GPHN: variants seen among roughly 807,000 people sequenced by gnomAD.
GPHN encodes gephyrin.
In GPHN, 17 loss-of-function variants were observed where a neutral mutation model predicts 95.5. The ratio of observed to expected loss-of-function variants is 0.18; its 90% CI spans 0.12 to 0.27. The LOEUF (loss-of-function observed/expected upper bound fraction) is 0.27. Ranked by LOEUF, GPHN falls within the 10% of genes least tolerant of loss-of-function variation. The pLI is 1.00. For missense variants in GPHN, 660 were observed against 978.1 expected (o/e 0.67, Z 4.34); for synonymous variants, 320 against 322.5 (o/e 0.99, Z 0.08).
chr14:67,089,767 A>G (rs558374950), intron 12 of GPHN, among the ~76,000 whole-genome samples: 1 of 152,280 alleles, frequency 6.6e-6, no homozygotes, highest in East Asian at 1.9e-4. Context: ...ATCATATTTC[A>G]AAATTCTGGC....
chr14:67,544,197 G>A, the GPHN span, among the ~76,000 whole-genome samples: 1 of 152,174 alleles, frequency 6.6e-6, no homozygotes, highest in African/African-American at 2.4e-5. Flanking sequence ...ATCATTCACT[G>A]GCACAGGAGA....
At chr14:67,203,236 A>C in the GPHN span, 1 of 1,612,388 alleles carries the variant, frequency 6.2e-7, no homozygotes, top group Non-Finnish European at 8.5e-7. Flanking sequence ...AAAGATACAG[A>C]AACCCTGTTT....
intron 1 of GPHN, among the ~76,000 whole-genome samples, chr14:66,668,932 G>A (rs1218566392): frequency 6.7e-6 from 1 of 150,000 alleles, no homozygotes; most frequent in Non-Finnish European, 1.5e-5. Flanking sequence ...CCAGGCTGGA[G>A]TACAATGGCG....
intron 2 of GPHN, among the ~76,000 whole-genome samples, chr14:66,742,886 C>T (rs1338120384): frequency 1.3e-5 from 2 of 152,136 alleles, no homozygotes; most frequent in South Asian, 2.1e-4. Flanking sequence ...CTCAGCCTCC[C>T]GAGTAGTTGG....
chr14:66,816,328 A>C (rs977776355), intron 3 of GPHN, among the ~76,000 whole-genome samples: 1 of 152,194 alleles, frequency 6.6e-6, no homozygotes. Flanking sequence ...AGAACTCTCC[A>C]CGTAAAAACA....
chr14:66,844,086 A>C (rs1410063726), intron 4 of GPHN, among the ~76,000 whole-genome samples: 2 of 152,040 alleles, frequency 1.3e-5, no homozygotes, highest in Middle Eastern at 3.2e-3. Flanking sequence ...TTATCTTATA[A>C]TTCTTTGTAG....
the GPHN span, among the ~76,000 whole-genome samples, chr14:67,217,413 T>C: frequency 6.6e-6 from 1 of 152,188 alleles, no homozygotes; most frequent in South Asian, 2.1e-4. Flanking sequence ...ACATTTAAGG[T>C]TATTAGTGAT....
the GPHN span, among the ~76,000 whole-genome samples, chr14:67,552,108 G>T: frequency 6.6e-6 from 1 of 152,176 alleles, no homozygotes. Flanking sequence ...ACTTCATCAG[G>T]TTGCTGCAGC....
rs568988798 is a variant in GPHN at position 66,510,657 on chromosome 14, G to A, written c.64+2066G>A. The stretch of plus-strand genomic sequence containing the variant: ...GAGAGAATGTGACTACCTGAAGGGA[G>A]AATTTAATACATTTACTAGGTCAAG... On this transcript the variant is annotated intron_variant, in intron 1 of 22. Coordinates refer to ENST00000478722, the MANE Select transcript of GPHN (RefSeq NM_020806.5). Among the ~76,000 whole-genome samples, 11 of 152,320 alleles carry A rather than the reference G, an allele frequency of 7.2e-5. 1 individual carries two copies. Among genetic ancestry groups the A allele is most frequent in the African/African-American group, 2.6e-4 (11 of 41,580 alleles).
At chr14:67,201,401 A>G in the GPHN span, 12 of 455,822 alleles carry the variant, frequency 2.6e-5, no homozygotes, top group East Asian at 6.3e-4. Flanking sequence ...GAAGACCCCA[A>G]TTCTCTCTTT....
chr14:67,327,261 C>A, the GPHN span, among the ~76,000 whole-genome samples: 1 of 152,130 alleles, frequency 6.6e-6, no homozygotes, highest in Non-Finnish European at 1.5e-5. Context: ...GTTTTCATTT[C>A]TCTTGGATAA....
intron 21 of GPHN, among the ~76,000 whole-genome samples, chr14:67,174,716 A>G (rs529045993): frequency 1.1e-3 from 170 of 152,174 alleles, no homozygotes; most frequent in African/African-American, 3.9e-3. Context: ...AAGTGTTCCT[A>G]TTTCTCCACA....
intron 16 of GPHN, among the ~76,000 whole-genome samples, chr14:67,118,848 C>T (rs2078850787): frequency 6.6e-6 from 1 of 152,066 alleles, no homozygotes. Flanking sequence ...TATTTTTCTT[C>T]TCAAGTGCCT....
chr14:67,231,036 A>G, the GPHN span, among the ~76,000 whole-genome samples: 35 of 152,268 alleles, frequency 2.3e-4, no homozygotes, highest in African/African-American at 7.2e-4. Flanking sequence ...ATTGAAAAAC[A>G]CAGTGTATAC....
chr14:67,175,820 A>G (rs908296567), intron 21 of GPHN, among the ~76,000 whole-genome samples: 2 of 151,982 alleles, frequency 1.3e-5, no homozygotes, highest in African/African-American at 4.8e-5. Context: ...ATTCCTAGGT[A>G]TTTTATTCTA....
the GPHN span, among the ~76,000 whole-genome samples, chr14:67,307,151 TG>T: frequency 1.3e-5 from 2 of 152,314 alleles, no homozygotes; most frequent in Non-Finnish European, 2.9e-5. Flanking sequence ...GCAAGAGTCT[TG>T]GCACCTCTGT....
At chr14:66,887,097 T>C (rs1372323911) in intron 5 of GPHN, among the ~76,000 whole-genome samples, 3 of 152,090 alleles carry the variant, frequency 2.0e-5, no homozygotes, top group Non-Finnish European at 4.4e-5. Context: ...TACACCAGGG[T>C]ACTCTGTTCT....
the GPHN span, among the ~76,000 whole-genome samples, chr14:67,655,307 AC>A: frequency 2.0e-5 from 3 of 152,180 alleles, no homozygotes; most frequent in Admixed American, 6.6e-5. Context: ...AGCCTGGGTG[AC>A]AGAGCAAGAC....
At chr14:67,176,401 C>T (rs1413243610) in intron 21 of GPHN, among the ~76,000 whole-genome samples, 1 of 152,172 alleles carries the variant, frequency 6.6e-6, no homozygotes, top group Non-Finnish European at 1.5e-5. Flanking sequence ...ATATGTTGAA[C>T]CAGCCTTGCA....
Sources: gnomAD v4.1 joint callset for allele counts (sites outside exome capture counted in the v4.1 genomes callset) on GRCh38, gnomAD v4.1.1 for gene constraint, MANE v1.5 for transcripts, NCBI Gene and HGNC (gene_info 2026-07-23, HGNC 2026-07-21) for gene names.